Variants in CARD6 observed in about 807,000 individuals in gnomAD.
CARD6 encodes caspase recruitment domain family member 6.
CARD6 carries 27 observed loss-of-function variants against 23.6 expected under a neutral mutation model. That is an observed-to-expected ratio of 1.14 (90% CI 0.84 to 1.58). The LOEUF is 1.58. Among genes scored for constraint, CARD6 ranks in the 40% most tolerant of loss-of-function variants. The pLI is 0.00. For missense variants in CARD6, 1,214 were observed against 1,209.9 expected, an observed-to-expected ratio of 1.00 and a Z score of -0.05; for synonymous variants, 397 against 431.8, an observed-to-expected ratio of 0.92 and a Z score of 1.00.
chr5:40,846,396 G>A (rs1173738347), intron 2 of CARD6, among the ~76,000 whole-genome samples: 1 of 152,072 alleles, frequency 6.6e-6, no homozygotes, highest in Non-Finnish European at 1.5e-5. Flanking sequence ...AGTAGTGAAG[G>A]CCTTTTGAGT....
chr5:40,849,866 G>A (rs536140092), intron 2 of CARD6, among the ~76,000 whole-genome samples: 1 of 152,144 alleles, frequency 6.6e-6, no homozygotes, highest in Admixed American at 6.5e-5. Flanking sequence ...TGTGGTCCCA[G>A]CTACTCCAAA....
chr5:40,841,369 A>C lies in CARD6; in HGVS notation c.-14A>C. 6.4e-7 allele frequency: 1 copy of C among 1,571,248 alleles called. No individual in the cohort carries two copies. The highest frequency in any genetic ancestry group is 1.2e-5 in the South Asian group (1 of 85,720). On this transcript the variant is annotated 5_prime_UTR_variant, in exon 1 of 3. Coordinates refer to ENST00000254691, the MANE Select transcript of CARD6 (RefSeq NM_032587.4). ...TTTCATAATATATTTCCTGGTTTAG[A>C]GGAAACAGGAACAATGGCTACCGAG...
intron 2 of CARD6, among the ~76,000 whole-genome samples, chr5:40,849,520 C>T (rs1334431203): frequency 6.6e-6 from 1 of 152,076 alleles, no homozygotes; most frequent in Non-Finnish European, 1.5e-5. Context: ...CTTATAGTTA[C>T]TTTTATTAAT....
chr5:40,843,034 G>A (rs1338820698), intron 1 of CARD6, 118 bp from the exon 2 acceptor site: 1 of 705,318 alleles, frequency 1.4e-6, no homozygotes, highest in Non-Finnish European at 2.3e-6. Flanking sequence ...GTGAAACTCT[G>A]TCTCAAAAAA....
rs754845384 is a variant in CARD6 at position 40,843,663 on chromosome 5, A to G, written c.795A>G (p.Ser265=). The change falls in exon 2 of 3, where the codon TCA becomes TCG. Residue 265 remains serine, a synonymous_variant. Transcript: ENST00000254691. ...GTGAAGAACCAAGTTATGAGGGATC[A>G]GAAACCAGCCTTTCATTGGAGGAGG... The part of the protein sequence containing the change: ...FSGEEPSYEG[S]ETSLSLEEEQ... 3 of 1,563,052 alleles carry G rather than the reference A, an allele frequency of 1.9e-6. No homozygotes were observed. Among genetic ancestry groups the G allele is most frequent in the Non-Finnish European group, 2.6e-6 (3 of 1,163,336 alleles).
rs1301057083 is a variant in CARD6, at chr5:40,848,405, G to C, written c.842-3769G>C. Among the ~76,000 whole-genome samples, 4 of 151,910 alleles carry C rather than the reference G, an allele frequency of 2.6e-5. No individual in the cohort carries two copies. The East Asian group carries it at 7.7e-4, about 29-fold the overall frequency. On this transcript the variant is annotated intron_variant, in intron 2 of 2. Transcript: ENST00000254691. ...TAATTTTGTATTTTTTGTAGAGACA[G>C]GGTTTTCACGATGTTGCCCAGGCTG...
chr5:40,850,740 A>C (rs914574640), intron 2 of CARD6, among the ~76,000 whole-genome samples: 1 of 150,880 alleles, frequency 6.6e-6, no homozygotes, highest in South Asian at 2.1e-4. Flanking sequence ...AAAAAAAAAA[A>C]AAAAAACCAG....
rs767359554 is a variant in CARD6 at position 40,853,199 on chromosome 5, G to A, written c.1867G>A (p.Glu623Lys). ...GDAGDRRKNM[E>K]GLQAALQEVM... ...TGCTGGGGATAGAAGGAAGAACATG[G>A]AGGGCCTTCAAGCTGCCCTCCAGGA... Residue 623 changes from glutamate (E) to lysine (K), a missense_variant, in exon 3 of 3, where the codon GAG becomes AAG. Glu to Lys is a moderately conservative substitution (Grantham distance 56, BLOSUM62 1). Coordinates refer to ENST00000254691, the MANE Select transcript of CARD6 (RefSeq NM_032587.4). The A allele has an allele frequency of 6.2e-7, 1 of 1,614,082 alleles. No homozygotes were observed. Among genetic ancestry groups the A allele is most frequent in the Non-Finnish European group, 8.5e-7 (1 of 1,180,050 alleles).
chr5:40,850,447 G>T, intron 2 of CARD6, among the ~76,000 whole-genome samples: 1 of 140,848 alleles, frequency 7.1e-6, no homozygotes. Flanking sequence ...AGGCACAGTG[G>T]CTCACACCTG....
chr5:40,852,050 A>C, intron 2 of CARD6, 124 bp from the exon 3 acceptor site: 1 of 635,236 alleles, frequency 1.6e-6, no homozygotes, highest in Non-Finnish European at 2.8e-6. Context: ...GCTTGAGCCC[A>C]GGGTGATGAT....
Position 40,843,218 on chromosome 5 carries a change from C to A in CARD6, c.350C>A (p.Ala117Asp), listed in dbSNP as rs372426561. Residue 117 changes from alanine to aspartate, a missense_variant, in exon 2 of 3, where the codon GCT (alanine) becomes GAT (aspartate). Coordinates refer to ENST00000254691, the MANE Select transcript of CARD6 (RefSeq NM_032587.4). ...SMGASSNSEDAFSPGIKQPEA... is the reference protein window; with the variant it reads ...SMGASSNSEDDFSPGIKQPEA... The stretch of plus-strand genomic sequence containing the variant: ...GGGGCAAGCAGTAATTCAGAAGATG[C>A]TTTTTCTCCTGGAATAAAACAGCCT... 3 of 1,613,532 alleles carry A rather than the reference C, an allele frequency of 1.9e-6. No homozygotes were observed. The highest frequency in any genetic ancestry group is 2.7e-5 in the African/African-American group (2 of 74,892).
chr5:40,843,527 C>A lies in CARD6; in HGVS notation c.659C>A (p.Thr220Asn), dbSNP rs761319294. The A allele has an allele frequency of 6.2e-7, 1 of 1,608,266 alleles. No homozygotes were observed. Among genetic ancestry groups the A allele is most frequent in the East Asian group, 2.2e-5 (1 of 44,858 alleles). ...GAGGAATATCTAGGATCTGTTGACA[C>A]CCCTGAAGATGCAGAAGCCACTGTG... is the stretch of plus-strand genomic sequence containing the variant. ...GKEEYLGSVD[T>N]PEDAEATVEE... Residue 220 changes from threonine (T) to asparagine (N), a missense_variant, in exon 2 of 3, where the codon ACC becomes AAC. By Grantham distance (65) the Thr-to-Asn change is moderately conservative. Transcript: ENST00000254691.
rs372035757 is a variant in CARD6 at position 40,843,638 on chromosome 5, G to T, written c.770G>T (p.Gly257Val). ...AATTCAGAAACCACAGAGTTCTCTG[G>T]TGAAGAACCAAGTTATGAGGGATCA... ...FENSETTEFS[G>V]EEPSYEGSET... is the part of the protein sequence containing the mutation. Residue 257 changes from glycine (G) to valine (V), a missense_variant, in exon 2 of 3, where the codon GGT (glycine) becomes GTT (valine). By Grantham distance (109) the Gly-to-Val change is moderately radical. Coordinates refer to ENST00000254691, the MANE Select transcript of CARD6 (RefSeq NM_032587.4). 23 of 1,590,222 alleles carry T rather than the reference G, an allele frequency of 1.4e-5. No homozygotes were observed. Among genetic ancestry groups the T allele is most frequent in the Non-Finnish European group, 1.9e-5 (22 of 1,172,984 alleles).
At chr5:40,842,075 G>A (rs1018542342) in intron 1 of CARD6, among the ~76,000 whole-genome samples, 8 of 152,320 alleles carry the variant, frequency 5.3e-5, no homozygotes, top group African/African-American at 1.4e-4. Flanking sequence ...TAGTATAGCC[G>A]TTTTGAAAAT....
intron 1 of CARD6, 60 bp from the exon 2 acceptor site, chr5:40,843,092 A>C: frequency 9.1e-7 from 1 of 1,095,478 alleles, no homozygotes; most frequent in South Asian, 1.6e-5. Flanking sequence ...GGCCTCAGGA[A>C]CTCTAGCTGT....
In CARD6 at chr5:40,853,150, G is replaced by A. The variant is rs1279338144; in HGVS notation, c.1818G>A (p.Gln606=). Reference sequence around the variant, plus strand: ...GGATACTGAACTTGAAGCCAGCACAGCTACTGTTTTGGGAGAGGGGAGATG... The same window carrying A: ...GGATACTGAACTTGAAGCCAGCACAACTACTGTTTTGGGAGAGGGGAGATG... ...FQRILNLKPA[Q]LLFWERGDAG... is the part of the protein sequence containing the mutation. Residue 606 remains glutamine (Q), a synonymous_variant, in exon 3 of 3, where the codon CAG becomes CAA. Coordinates refer to ENST00000254691, the MANE Select transcript of CARD6 (RefSeq NM_032587.4). 1 of 1,614,104 alleles carries A rather than the reference G, an allele frequency of 6.2e-7. No homozygotes were observed. Among genetic ancestry groups the A allele is most frequent in the Non-Finnish European group, 8.5e-7 (1 of 1,180,044 alleles).
chr5:40,849,401 C>T (rs1430315806), intron 2 of CARD6, among the ~76,000 whole-genome samples: 1 of 152,148 alleles, frequency 6.6e-6, no homozygotes, highest in Non-Finnish European at 1.5e-5. Flanking sequence ...CCTATTCTCT[C>T]ACTGCTTCCT....
Position 40,852,320 on chromosome 5 carries a change from C to T in CARD6, c.988C>T (p.Leu330=), listed in dbSNP as rs1417953638. 6.2e-7 allele frequency: 1 copy of T among 1,613,926 alleles called. No homozygotes were observed. Among genetic ancestry groups the T allele is most frequent in the Non-Finnish European group, 8.5e-7 (1 of 1,180,016 alleles). ...ESPGDLAWNF[L]MKVQARDVTA... The stretch of plus-strand genomic sequence containing the variant: ...TCCAGGAGACTTAGCCTGGAATTTC[C>T]TGATGAAAGTTCAAGCACGAGATGT... Residue 330 remains leucine (L), a synonymous_variant, in exon 3 of 3, where the codon CTG becomes TTG. Coordinates refer to ENST00000254691, the MANE Select transcript of CARD6 (RefSeq NM_032587.4).
At position 40,852,877 on chromosome 5, in the gene CARD6, T is replaced by C. The variant is rs1746099031; in HGVS notation, c.1545T>C (p.Asp515=). ...TAACATGGTGTTTTCCTGATAGCGA[T>C]GATAGAAAGGAAAACCCCTTTTTCC... is the stretch of plus-strand genomic sequence containing the variant. ...VEITWCFPDS[D]DRKENPFFQK... Residue 515 remains aspartate (D), a synonymous_variant, in exon 3 of 3, where the codon GAT becomes GAC. Coordinates refer to ENST00000254691, the MANE Select transcript of CARD6 (RefSeq NM_032587.4). 1 of 1,614,078 alleles carries C rather than the reference T, an allele frequency of 6.2e-7. No individual in the cohort carries two copies. The highest frequency in any genetic ancestry group is 8.5e-7 in the Non-Finnish European group (1 of 1,179,976).
Sources: allele counts gnomAD v4.1 joint callset (sites outside exome capture counted in the v4.1 genomes callset), GRCh38; gene constraint gnomAD v4.1.1; transcripts MANE v1.5; gene names NCBI Gene and HGNC (gene_info 2026-07-23, HGNC 2026-07-21).